Variants in LRRTM4 observed in about 807,000 individuals in gnomAD.
LRRTM4 encodes the protein leucine rich repeat transmembrane neuronal 4.
A neutral mutation model predicts 47.6 loss-of-function variants in LRRTM4; 25 were observed. That is an observed-to-expected ratio of 0.53 (90% confidence interval 0.38 to 0.73). The LOEUF (loss-of-function observed/expected upper bound fraction) is 0.73. Among genes scored for constraint, LRRTM4 ranks in the 30% least tolerant of loss-of-function variants. LRRTM4 has a pLI of 0.00. For synonymous variants in LRRTM4, 311 were observed against 269.5 expected, an observed-to-expected ratio of 1.15 and a Z score of -1.51; for missense variants, 638 against 713.4, an observed-to-expected ratio of 0.89 and a Z score of 1.20.
At chr2:77,199,593 T>C (rs1424009848) in intron 3 of LRRTM4, among the ~76,000 whole-genome samples, 1 of 152,156 alleles carries the variant, frequency 6.6e-6, no homozygotes, top group Non-Finnish European at 1.5e-5. Flanking sequence ...TCCAGTAGTC[T>C]ATGAGTCATA....
At chr2:77,239,621 G>T (rs73943637) in intron 3 of LRRTM4, among the ~76,000 whole-genome samples, 6,956 of 151,884 alleles carry the variant, frequency 0.046, 543 homozygotes, top group African/African-American at 0.16. Context: ...TCTTCTAAAA[G>T]AAAACTTGAG....
chr2:77,308,266 A>T (rs1305286356), intron 3 of LRRTM4, among the ~76,000 whole-genome samples: 1 of 150,212 alleles, frequency 6.7e-6, no homozygotes, highest in African/African-American at 2.5e-5. Flanking sequence ...TTCATGTTAA[A>T]ATACCCAAAT....
chr2:77,451,706 A>C (rs1676261471), intron 3 of LRRTM4, among the ~76,000 whole-genome samples: 1 of 152,286 alleles, frequency 6.6e-6, no homozygotes, highest in South Asian at 2.1e-4. Context: ...TAACTTACTA[A>C]TCAAATAAAT....
At chr2:77,168,355 C>T (rs1235294141) in intron 3 of LRRTM4, among the ~76,000 whole-genome samples, 2 of 151,922 alleles carry the variant, frequency 1.3e-5, no homozygotes, top group Non-Finnish European at 2.9e-5. Context: ...CTGTGTCTCT[C>T]CTTTTCTACA....
chr2:77,340,091 T>G (rs1220461567), intron 3 of LRRTM4, among the ~76,000 whole-genome samples: 1 of 151,962 alleles, frequency 6.6e-6, no homozygotes, highest in African/African-American at 2.4e-5. Context: ...ATAACATATT[T>G]TCAATGCAGT....
chr2:76,875,614 G>A (rs995707580), intron 3 of LRRTM4, among the ~76,000 whole-genome samples: 3 of 152,034 alleles, frequency 2.0e-5, no homozygotes, highest in Non-Finnish European at 4.4e-5. Context: ...TTTGATGACT[G>A]GCAAACATTA....
At chr2:76,912,147 C>T (rs1674088447) in intron 3 of LRRTM4, among the ~76,000 whole-genome samples, 2 of 152,120 alleles carry the variant, frequency 1.3e-5, no homozygotes, top group Admixed American at 1.3e-4. Flanking sequence ...TCTCGATCTC[C>T]TGACCTTGTG....
At chr2:77,008,522 C>A (rs1050644924) in intron 3 of LRRTM4, among the ~76,000 whole-genome samples, 3 of 152,116 alleles carry the variant, frequency 2.0e-5, no homozygotes, top group African/African-American at 4.8e-5. Flanking sequence ...AGGTTGCTGG[C>A]ATTGTCACCA....
intron 3 of LRRTM4, among the ~76,000 whole-genome samples, chr2:77,395,064 C>G (rs1169478375): frequency 6.6e-6 from 1 of 151,872 alleles, no homozygotes; most frequent in Admixed American, 6.6e-5. Flanking sequence ...GTGAATTAAC[C>G]CTTGCCTGGC....
rs576189400 is a variant in LRRTM4, at chr2:77,417,966, AAGAG to A, written c.1551+100348_1551+100351del. Among the ~76,000 whole-genome samples, 188 of 152,280 alleles carry A rather than the reference AAGAG, an allele frequency of 1.2e-3. 1 individual carries two copies. Among genetic ancestry groups the A allele is most frequent in the African/African-American group, 4.4e-3 (183 of 41,570 alleles). ...CTGTTTGAATAATAATAGTTCCCAA[AAGAG>A]AGAGAGGACTAAAGAGAGAACAAAA... On this transcript the variant is annotated intron_variant, in intron 3 of 3. Coordinates refer to ENST00000409884, the MANE Select transcript of LRRTM4 (RefSeq NM_001134745.3).
intron 3 of LRRTM4, among the ~76,000 whole-genome samples, chr2:77,125,898 A>G (rs1423339751): frequency 7.5e-6 from 1 of 133,438 alleles, no homozygotes; most frequent in Non-Finnish European, 1.6e-5. Flanking sequence ...GTAAATATAT[A>G]TGCGTTGAAT....
chr2:76,748,705 A>T lies in LRRTM4; in HGVS notation c.1763T>A (p.Ile588Asn). 1.2e-6 allele frequency: 2 copies of T among 1,613,026 alleles called. No individual in the cohort carries two copies. The highest frequency in any genetic ancestry group is 1.7e-6 in the Non-Finnish European group (2 of 1,179,802). The change falls in exon 4 of 4, where the codon ATT becomes AAT. Residue 588 changes from isoleucine to asparagine, a missense_variant. Physicochemically the swap from Ile to Asn is moderately radical, Grantham distance 149. Coordinates refer to ENST00000409884, the MANE Select transcript of LRRTM4 (RefSeq NM_001134745.3). ...SAAPAIYLER[I>N]AN is the part of the protein sequence containing the mutation. The stretch of plus-strand genomic sequence containing the variant: ...GAGTTGGCTTCAGCGTTAGTTTGCA[A>T]TTCTCTCTAGGTAGATGGCCGGTGC...
intron 3 of LRRTM4, among the ~76,000 whole-genome samples, chr2:77,499,137 A>C (rs185575666): frequency 2.6e-5 from 4 of 151,962 alleles, no homozygotes; most frequent in Admixed American, 2.0e-4. Context: ...ATATCTGGAG[A>C]CACCATTGGT....
intron 3 of LRRTM4, among the ~76,000 whole-genome samples, chr2:76,955,557 A>G (rs933236729): frequency 4.0e-5 from 6 of 151,844 alleles, no homozygotes; most frequent in African/African-American, 7.2e-5. Flanking sequence ...AAGCTACAAG[A>G]CAGCGATATG....
intron 3 of LRRTM4, among the ~76,000 whole-genome samples, chr2:76,886,797 A>G (rs1376286196): frequency 1.3e-5 from 2 of 152,014 alleles, no homozygotes; most frequent in African/African-American, 4.8e-5. Flanking sequence ...TTTACAATGC[A>G]ACCAAGACTC....
In LRRTM4 at chr2:77,379,619, A is replaced by G. The variant is rs145668567; in HGVS notation, c.1551+138699T>C. 2.9e-3 allele frequency among the ~76,000 whole-genome samples: 445 copies of G among 152,200 alleles called. 3 individuals carry two copies. The highest frequency in any genetic ancestry group is 0.01 in the African/African-American group (429 of 41,570). ...TATCTTTGTTAATTTTTATTTAAAT[A>G]TATTCTCTATTGGGTTATTTTTCTT... On this transcript the variant is annotated intron_variant, in intron 3 of 3. Coordinates refer to ENST00000409884, the MANE Select transcript of LRRTM4 (RefSeq NM_001134745.3).
At chr2:77,033,101 G>A (rs1302207462) in intron 3 of LRRTM4, among the ~76,000 whole-genome samples, 1 of 152,028 alleles carries the variant, frequency 6.6e-6, no homozygotes, top group East Asian at 1.9e-4. Flanking sequence ...CTGAAAAACT[G>A]CAGCAGAAAT....
intron 3 of LRRTM4, among the ~76,000 whole-genome samples, chr2:77,462,611 A>G (rs1573448183): frequency 6.6e-6 from 1 of 152,078 alleles, no homozygotes; most frequent in East Asian, 1.9e-4. Context: ...GAAAAAATAA[A>G]TAAAAAATAA....
intron 3 of LRRTM4, among the ~76,000 whole-genome samples, chr2:77,390,499 T>C (rs972198576): frequency 6.6e-6 from 1 of 152,034 alleles, no homozygotes. Flanking sequence ...TATAAAATAA[T>C]TGATATCCGC....
Sources: gnomAD v4.1 joint callset for allele counts (sites outside exome capture counted in the v4.1 genomes callset) on GRCh38, gnomAD v4.1.1 for gene constraint, MANE v1.5 for transcripts, NCBI Gene and HGNC (gene_info 2026-07-23, HGNC 2026-07-21) for gene names.